Variants in RAB38 observed in about 807,000 individuals in gnomAD.
RAB38 encodes RAB38, member RAS oncogene family.
Under a neutral mutation model 18.4 loss-of-function variants are expected in RAB38, and 15 were observed. The ratio of observed to expected loss-of-function variants is 0.82; its 90% CI spans 0.55 to 1.26. The LOEUF is 1.26. RAB38 is among the 50% of genes most tolerant of loss of function. RAB38 has a pLI of 0.00. For synonymous variants in RAB38, 101 were observed against 104.4 expected, an observed-to-expected ratio of 0.97 and a Z score of 0.20; for missense variants, 294 against 267.4, an observed-to-expected ratio of 1.10 and a Z score of -0.69.
In RAB38 at chr11:88,114,154, A is replaced by C. The variant is rs1280255844; in HGVS notation, c.484-14T>G. 2 of 1,613,360 alleles carry C rather than the reference A, an allele frequency of 1.2e-6. No homozygotes were observed. The highest frequency in any genetic ancestry group is 2.7e-5 in the African/African-American group (2 of 74,894). On this transcript the variant is annotated splice_polypyrimidine_tract_variant and intron_variant, in intron 2 of 2. Coordinates refer to ENST00000243662, the MANE Select transcript of RAB38 (RefSeq NM_022337.3). ...GTTTATATTTTCCTATGAGGGAAAA[A>C]ATAAAACAGCTTTTCTTATTCAATA...
the RAB38 span, among the ~76,000 whole-genome samples, chr11:87,976,137 T>G: frequency 6.7e-6 from 1 of 149,288 alleles, no homozygotes; most frequent in African/African-American, 2.4e-5. Flanking sequence ...TATGTGTGTG[T>G]GTGTATATAT....
the RAB38 span, among the ~76,000 whole-genome samples, chr11:87,845,257 G>C: frequency 6.6e-6 from 1 of 152,100 alleles, no homozygotes. Context: ...GGATGACACA[G>C]ATGGAATAGG....
chr11:88,134,922 A>G (rs973296223), intron 2 of RAB38, among the ~76,000 whole-genome samples: 20 of 152,096 alleles, frequency 1.3e-4, no homozygotes, highest in Non-Finnish European at 2.8e-4. Context: ...CCTCACCTCT[A>G]TCACTCTGCT....
the RAB38 span, among the ~76,000 whole-genome samples, chr11:87,869,724 G>C: frequency 1.3e-5 from 2 of 151,244 alleles, no homozygotes; most frequent in African/African-American, 4.8e-5. Flanking sequence ...ATTCCCTTAT[G>C]TTTTCTTCAG....
chr11:88,019,568 A>C, the RAB38 span, among the ~76,000 whole-genome samples: 1 of 152,154 alleles, frequency 6.6e-6, no homozygotes, highest in African/African-American at 2.4e-5. Context: ...ATCAACACTC[A>C]AAATGCCTCC....
At chr11:88,096,171 T>G in the RAB38 span, among the ~76,000 whole-genome samples, 1 of 151,878 alleles carries the variant, frequency 6.6e-6, no homozygotes, top group African/African-American at 2.4e-5. Context: ...ACATCATCTT[T>G]ACCCTCCCCA....
intron 2 of RAB38, among the ~76,000 whole-genome samples, chr11:88,144,139 C>T (rs61909936): frequency 0.021 from 3,157 of 152,238 alleles, 46 homozygotes; most frequent in Non-Finnish European, 0.032. Flanking sequence ...GCCATCATTT[C>T]CTGTATATTA....
chr11:88,047,372 T>A, the RAB38 span, among the ~76,000 whole-genome samples: 5 of 152,188 alleles, frequency 3.3e-5, no homozygotes, highest in Non-Finnish European at 7.3e-5. Flanking sequence ...CTTGGTTTAT[T>A]GATGGCAGTT....
At chr11:87,893,102 T>C in the RAB38 span, among the ~76,000 whole-genome samples, 4 of 151,400 alleles carry the variant, frequency 2.6e-5, no homozygotes. Context: ...ATGGTAATAT[T>C]AGGGGCTTAG....
the RAB38 span, among the ~76,000 whole-genome samples, chr11:87,804,928 CTTTGAA>C: frequency 1.3e-5 from 2 of 152,156 alleles, no homozygotes; most frequent in African/African-American, 4.8e-5. Flanking sequence ...AACTTTCCGC[CTTTGAA>C]TTTGAATTCA....
At chr11:87,837,284 G>A in the RAB38 span, among the ~76,000 whole-genome samples, 1 of 152,116 alleles carries the variant, frequency 6.6e-6, no homozygotes, top group Admixed American at 6.6e-5. Flanking sequence ...TAAAGTGTTG[G>A]GTGCTTGTGT....
At chr11:87,860,869 TTAAAG>T in the RAB38 span, among the ~76,000 whole-genome samples, 1 of 151,916 alleles carries the variant, frequency 6.6e-6, no homozygotes. Flanking sequence ...ATGTTATAAT[TTAAAG>T]TAAGGATTCC....
At chr11:88,173,502 C>T in intron 1 of RAB38, 1 of 982,440 alleles carries the variant, frequency 1.0e-6, no homozygotes, top group Non-Finnish European at 1.2e-6. Flanking sequence ...CTGTACCCTT[C>T]CATCTCTTCT....
At chr11:87,831,345 T>C in the RAB38 span, among the ~76,000 whole-genome samples, 1 of 152,158 alleles carries the variant, frequency 6.6e-6, no homozygotes, top group African/African-American at 2.4e-5. Flanking sequence ...CTTAGCCCCA[T>C]GTCTGTCACT....
At chr11:88,071,442 G>A in the RAB38 span, among the ~76,000 whole-genome samples, 32 of 152,260 alleles carry the variant, frequency 2.1e-4, no homozygotes, top group African/African-American at 7.2e-4. Flanking sequence ...ATAAAAGGAG[G>A]AAATTCTCTG....
chr11:87,840,038 A>T, the RAB38 span, among the ~76,000 whole-genome samples: 1 of 152,330 alleles, frequency 6.6e-6, no homozygotes. Context: ...CATTAGTGAA[A>T]CTGGGCCTTA....
the RAB38 span, among the ~76,000 whole-genome samples, chr11:87,881,927 C>A: frequency 6.6e-6 from 1 of 151,796 alleles, no homozygotes; most frequent in African/African-American, 2.4e-5. Context: ...GGCAGAGAGT[C>A]CTGTATTCAG....
At chr11:87,804,440 A>G in the RAB38 span, among the ~76,000 whole-genome samples, 1 of 152,178 alleles carries the variant, frequency 6.6e-6, no homozygotes, top group African/African-American at 2.4e-5. Context: ...TCACTGGTCA[A>G]CAGCCCACAT....
At chr11:87,933,598 G>C in the RAB38 span, among the ~76,000 whole-genome samples, 1 of 151,868 alleles carries the variant, frequency 6.6e-6, no homozygotes, top group East Asian at 1.9e-4. Flanking sequence ...GGGCAGAATT[G>C]AGAACTGAAG....
Sources: allele counts gnomAD v4.1 joint callset (sites outside exome capture counted in the v4.1 genomes callset), GRCh38; gene constraint gnomAD v4.1.1; transcripts MANE v1.5; gene names NCBI Gene and HGNC (gene_info 2026-07-23, HGNC 2026-07-21).